TOP3A: variants seen among roughly 807,000 people sequenced by gnomAD.
The protein encoded by TOP3A is DNA topoisomerase 3-alpha.
A neutral mutation model predicts 111.3 loss-of-function variants in TOP3A; 64 were observed. The ratio of observed to expected loss-of-function variants is 0.57; its 90% confidence interval spans 0.47 to 0.71. The LOEUF (loss-of-function observed/expected upper bound fraction) is 0.71. TOP3A is among the 30% of genes least tolerant of loss of function. TOP3A has a pLI of 0.00. For synonymous variants in TOP3A, 484 were observed against 485.1 expected (o/e 1.00, Z 0.03); for missense variants, 1,104 against 1,285.0 (o/e 0.86, Z 2.15).
chr17:18,278,230 TG>T lies in TOP3A; in HGVS notation c.2271del (p.Arg758GlyfsTer15), dbSNP rs752838075. On this transcript the variant is annotated frameshift_variant, in exon 18 of 19. Transcript: ENST00000321105. LOFTEE classifies it high-confidence loss of function. ...ILDLRFSGGP[P>X]RASQPSGRLQ... is the part of the protein sequence containing the mutation. ...AGGCGGCCAGAGGGCTGGCTAGCCC[TG>T]GGGGGGCCCCCTGAAAATCTCAGGT... 8.2e-6 allele frequency: 13 copies of T among 1,582,720 alleles called. No individual in the cohort carries two copies. The highest frequency in any genetic ancestry group is 1.7e-4 in the Middle Eastern group (1 of 5,930).
At chr17:18,299,255 A>G (rs1981067609) in intron 9 of TOP3A, among the ~76,000 whole-genome samples, 1 of 152,128 alleles carries the variant, frequency 6.6e-6, no homozygotes, top group African/African-American at 2.4e-5. Context: ...GTGAGATTCC[A>G]TCTCTACCAA....
At chr17:18,307,813 G>A (rs191252069) in intron 3 of TOP3A, among the ~76,000 whole-genome samples, 12 of 150,884 alleles carry the variant, frequency 8.0e-5, no homozygotes, top group African/African-American at 2.9e-4. Context: ...GGGAAACTGA[G>A]GCATGAGAAT....
At chr17:18,305,089 T>TCAGCAG (rs749131700) in intron 5 of TOP3A, 23 bp downstream of exon 5, 5 of 1,592,066 alleles carry the variant, frequency 3.1e-6, no homozygotes, top group African/African-American at 1.3e-5. Context: ...GTAGAGAAAG[T>TCAGCAG]CAGCAGCAGC....
Position 18,290,988 on chromosome 17 carries a change from A to G in TOP3A, c.1321T>C (p.Phe441Leu). ...GCATCCTGGGAGCAGCAAGCCAGGAAATGGCGAACAATAAACTCGTACAGT... is the reference window on the plus strand; with the variant it reads ...GCATCCTGGGAGCAGCAAGCCAGGAGATGGCGAACAATAAACTCGTACAGT... ...QRLYEFIVRH[F>L]LACCSQDAQG... Residue 441 changes from phenylalanine (F) to leucine (L), a missense_variant, in exon 12 of 19, where the codon TTC becomes CTC. Phe to Leu is a conservative substitution (Grantham distance 22). Coordinates refer to ENST00000321105, the MANE Select transcript of TOP3A (RefSeq NM_004618.5). 1 of 1,614,210 alleles carries G rather than the reference A, an allele frequency of 6.2e-7. No individual in the cohort carries two copies. The highest frequency in any genetic ancestry group is 8.5e-7 in the Non-Finnish European group (1 of 1,180,030).
At position 18,274,056 on chromosome 17, in the gene TOP3A, C is replaced by G. The variant is rs1363125668; in HGVS notation, c.*746G>C. 1 of 152,264 alleles carries G rather than the reference C, an allele frequency of 6.6e-6. No homozygotes were observed. The highest frequency in any genetic ancestry group is 1.5e-5 in the Non-Finnish European group (1 of 68,096). The allele number at this position is 152,264 out of a possible 1,614,324, so 9.4% of individuals were successfully genotyped here. A position where few individuals can be genotyped will look rare whatever the true frequency, so the allele number is the denominator to read the frequency against. On this transcript the variant is annotated 3_prime_UTR_variant, in exon 19 of 19. Coordinates refer to ENST00000321105, the MANE Select transcript of TOP3A (RefSeq NM_004618.5). ...GGTTCAAGCAATTCTCCTGCCTCAG[C>G]CTCCTGAGTAGCCGGGTCTACAGGC...
chr17:18,296,500 A>C (rs776224964), intron 9 of TOP3A, among the ~76,000 whole-genome samples: 1 of 152,110 alleles, frequency 6.6e-6, no homozygotes, highest in Non-Finnish European at 1.5e-5. Context: ...GACTCGCTTG[A>C]GCCCGGGAGA....
chr17:18,287,341 T>C (rs1980167643), intron 13 of TOP3A, among the ~76,000 whole-genome samples: 1 of 151,754 alleles, frequency 6.6e-6, no homozygotes. Context: ...CGAGACCAGC[T>C]TAGCTAACAG....
Position 18,304,744 on chromosome 17 carries a change from TAAC to T in TOP3A, c.499+365_499+367del, listed in dbSNP as rs200516029. The stretch of plus-strand genomic sequence containing the variant: ...CCAAATACTAAAAGAATTCAATATA[TAAC>T]AACAACAACAACAACAAAAAGAATA... On this transcript the variant is annotated intron_variant, in intron 5 of 18. Coordinates refer to ENST00000321105, the MANE Select transcript of TOP3A (RefSeq NM_004618.5). Among the ~76,000 whole-genome samples, 46 of 152,206 alleles carry T rather than the reference TAAC, an allele frequency of 3.0e-4. No individual in the cohort carries two copies. In the East Asian group the frequency reaches 5.8e-3, roughly 19 times the overall value.
rs1198373603 is a variant in TOP3A, at chr17:18,273,620, T to A, written c.*1182A>T. On this transcript the variant is annotated 3_prime_UTR_variant, in exon 19 of 19. Transcript: ENST00000321105. ...TCTCGCAGGTCAGAGTAAAAAAAGGTTGGATTCTTTCATTTTAAAAAAAGT... is the reference window on the plus strand; with the variant it reads ...TCTCGCAGGTCAGAGTAAAAAAAGGATGGATTCTTTCATTTTAAAAAAAGT... 6.6e-6 allele frequency among the ~76,000 whole-genome samples: 1 copy of A among 152,106 alleles called. No homozygotes were observed. Among genetic ancestry groups the A allele is most frequent in the Non-Finnish European group, 1.5e-5 (1 of 68,022 alleles).
At position 18,301,876 on chromosome 17, in the gene TOP3A, G is replaced by C; in HGVS notation, c.915+9C>G. On this transcript the variant is annotated intron_variant, in intron 8 of 18. Coordinates refer to ENST00000321105, the MANE Select transcript of TOP3A (RefSeq NM_004618.5). ...GCAGAATGTTTCCTAGATCATTAGG[G>C]GTTCTTACCTCCACACACAACTGAT... 1.2e-6 allele frequency: 2 copies of C among 1,611,194 alleles called. No individual in the cohort carries two copies. Among genetic ancestry groups the C allele is most frequent in the East Asian group, 2.2e-5 (1 of 44,858 alleles).
intron 18 of TOP3A, among the ~76,000 whole-genome samples, chr17:18,276,977 A>G (rs6502643): frequency 0.31 from 46,453 of 152,010 alleles, 7,415 homozygotes; most frequent in African/African-American, 0.35. Context: ...CCTGAGGTGG[A>G]GTTCGAGACC....
At chr17:18,297,862 G>A (rs1980931492) in intron 9 of TOP3A, among the ~76,000 whole-genome samples, 1 of 152,098 alleles carries the variant, frequency 6.6e-6, no homozygotes, top group South Asian at 2.1e-4. Context: ...GGGAAGTGAG[G>A]AGCGTCTCTG....
Position 18,278,509 on chromosome 17 carries a change from C to A in TOP3A, c.2145-152G>T, listed in dbSNP as rs571506356. 6.7e-6 allele frequency: 4 copies of A among 592,610 alleles called. No homozygotes were observed. In the Admixed American group the frequency reaches 1.4e-4, roughly 21 times the overall value. 36.7% of individuals were successfully genotyped at this position (592,610 alleles called of 1,614,324 possible). A position where few individuals can be genotyped will look rare whatever the true frequency, so the allele number is the denominator to read the frequency against. ...GTCCCCTGTGAGGCCCTCTATCAGC[C>A]CACCACAAGCCCCCACCAGTCATCA... On this transcript the variant is annotated intron_variant, in intron 17 of 18. Transcript: ENST00000321105.
chr17:18,288,390 C>T (rs1354195711), intron 13 of TOP3A, among the ~76,000 whole-genome samples: 1 of 152,132 alleles, frequency 6.6e-6, no homozygotes, highest in Non-Finnish European at 1.5e-5. Context: ...TGACCCCCTA[C>T]CTTGGTCTCC....
In TOP3A at chr17:18,281,800, A is replaced by T. The variant is rs186179434; in HGVS notation, c.2021+898T>A. On this transcript the variant is annotated intron_variant, in intron 16 of 18. Transcript: ENST00000321105. ...TTTCTTATTCAGCAGCAAGGAGCAC[A>T]GCAGTCCCAGGTGGGCCAGGCAGGA... 6.2e-4 allele frequency among the ~76,000 whole-genome samples: 95 copies of T among 152,334 alleles called. No homozygotes were observed. The Middle Eastern group carries it at 0.017, about 27-fold the overall frequency.
At chr17:18,299,524 C>A (rs1220014956) in intron 9 of TOP3A, 35 bp downstream of exon 9, 2 of 1,598,874 alleles carry the variant, frequency 1.3e-6, no homozygotes, top group Admixed American at 1.7e-5. Flanking sequence ...AGTAAGTGTT[C>A]CCCGAGTGCC....
chr17:18,298,382 G>C (rs1481343988), intron 9 of TOP3A, among the ~76,000 whole-genome samples: 1 of 143,098 alleles, frequency 7.0e-6, no homozygotes, highest in Non-Finnish European at 1.5e-5. Context: ...GAGGGAGGTG[G>C]GGGGGTCAGC....
In TOP3A at chr17:18,305,134, C is replaced by T. The variant is rs759453322; in HGVS notation, c.477G>A (p.Glu159=). The T allele has an allele frequency of 6.2e-7, 1 of 1,614,198 alleles. No individual in the cohort carries two copies. The highest frequency in any genetic ancestry group is 1.7e-5 in the Admixed American group (1 of 60,016). ...TACCAGCCTTACACACGTGGATAAT[C>T]TCAAACCCGATGTTTTCGCCTTCTC... ...CDREGENIGF[E]IIHVCKAVKP... is the part of the protein sequence containing the mutation. Residue 159 remains glutamate, a synonymous_variant, in exon 5 of 19, where the codon GAG becomes GAA. Transcript: ENST00000321105.
intron 18 of TOP3A, among the ~76,000 whole-genome samples, chr17:18,275,257 G>A (rs1190371034): frequency 7.9e-6 from 1 of 126,024 alleles, no homozygotes; most frequent in East Asian, 2.6e-4. Flanking sequence ...TCACACCACT[G>A]CACTCCAGCC....
Sources: allele counts gnomAD v4.1 joint callset (sites outside exome capture counted in the v4.1 genomes callset), GRCh38; gene constraint gnomAD v4.1.1; transcripts MANE v1.5; gene names NCBI Gene and HGNC (gene_info 2026-07-23, HGNC 2026-07-21).